The following TUSC3 variants were observed in gnomAD, a reference collection of about 807,000 sequenced individuals.
TUSC3 encodes dolichyl-diphosphooligosaccharide--protein glycosyltransferase subunit TUSC3.
In TUSC3, 45 loss-of-function variants were observed where a neutral mutation model predicts 44.8. That is an observed-to-expected ratio of 1.00 (90% CI 0.79 to 1.29). The LOEUF (loss-of-function observed/expected upper bound fraction) is 1.29. TUSC3 is among the 50% of genes most tolerant of loss of function. TUSC3 has a pLI of 0.00. For synonymous variants in TUSC3, 212 were observed against 152.9 expected (o/e 1.39, Z -2.85); for missense variants, 519 against 437.9 (o/e 1.19, Z -1.65).
At chr8:15,439,173 G>A (rs765517788) in intron 1 of TUSC3, among the ~76,000 whole-genome samples, 35 of 152,184 alleles carry the variant, frequency 2.3e-4, no homozygotes, top group Non-Finnish European at 4.4e-4. Context: ...TATCACAATT[G>A]CTTTCACAAA....
In TUSC3 at chr8:15,555,618, C is replaced by T. The variant is rs180925100; in HGVS notation, c.138+15050C>T. 3.2e-4 allele frequency among the ~76,000 whole-genome samples: 48 copies of T among 150,214 alleles called. 1 individual carries two copies. The highest frequency in any genetic ancestry group is 1.0e-3 in the African/African-American group (43 of 40,980). On this transcript the variant is annotated intron_variant, in intron 1 of 10. Coordinates refer to ENST00000503731, the MANE Select transcript of TUSC3 (RefSeq NM_006765.4). ...AAATTGTTAGGCAGTTAATGGTAAC[C>T]TTCATTTCTCTCATATTTTACTTCG...
chr8:15,743,873 A>G (rs906691717), intron 8 of TUSC3, among the ~76,000 whole-genome samples: 6 of 152,120 alleles, frequency 3.9e-5, no homozygotes, highest in Admixed American at 1.3e-4. Flanking sequence ...GCTCTAATCC[A>G]TCCCTGCTGA....
At chr8:15,821,399 T>C in the TUSC3 span, among the ~76,000 whole-genome samples, 20,640 of 148,878 alleles carry the variant, frequency 0.14, 1,637 homozygotes, top group East Asian at 0.25. Flanking sequence ...GTCCTGTTTG[T>C]GGTTTGCTGA....
intron 1 of TUSC3, among the ~76,000 whole-genome samples, chr8:15,613,064 G>GATAT (rs34594440): frequency 0.019 from 2,773 of 144,456 alleles, 48 homozygotes; most frequent in African/African-American, 0.042. Flanking sequence ...TTATATATAT[G>GATAT]ATATATATAT....
chr8:15,792,311 A>G, the TUSC3 span, among the ~76,000 whole-genome samples: 1 of 152,224 alleles, frequency 6.6e-6, no homozygotes, highest in African/African-American at 2.4e-5. Flanking sequence ...AGTCAACAAG[A>G]AACATGCATA....
At chr8:15,662,061 A>G in intron 4 of TUSC3, 95 bp from the exon 5 acceptor site, 8 of 1,394,986 alleles carry the variant, frequency 5.7e-6, no homozygotes, top group Admixed American at 1.9e-5. Context: ...CATGTTTCTG[A>G]GTTCTTTGCG....
chr8:15,491,268 T>C (rs1183756240), intron 2 of TUSC3, among the ~76,000 whole-genome samples: 1 of 152,182 alleles, frequency 6.6e-6, no homozygotes, highest in Non-Finnish European at 1.5e-5. Context: ...CCTGTGAAAT[T>C]TGATAGAACT....
chr8:15,554,623 G>C (rs540325902), intron 1 of TUSC3, among the ~76,000 whole-genome samples: 2 of 91,962 alleles, frequency 2.2e-5, no homozygotes, highest in South Asian at 3.7e-4. Flanking sequence ...TTTTTTTTGA[G>C]ATGGAGTCTC....
chr8:15,842,082 G>A, the TUSC3 span, among the ~76,000 whole-genome samples: 1 of 152,062 alleles, frequency 6.6e-6, no homozygotes, highest in Non-Finnish European at 1.5e-5. Context: ...TTATTCCTCA[G>A]AATAATAAAA....
chr8:15,753,418 T>A (rs1225272094), intron 9 of TUSC3, among the ~76,000 whole-genome samples: 1 of 152,100 alleles, frequency 6.6e-6, no homozygotes, highest in Non-Finnish European at 1.5e-5. Flanking sequence ...ACGTGAATTA[T>A]TTTGCTCTCT....
In TUSC3 at chr8:15,650,766, C is replaced by G. The variant is rs571341625; in HGVS notation, c.378C>G (p.Leu126=). 5 of 1,614,072 alleles carry G rather than the reference C, an allele frequency of 3.1e-6. No individual in the cohort carries two copies. Among genetic ancestry groups the G allele is most frequent in the African/African-American group, 1.3e-5 (1 of 75,016 alleles). ...WRYSSAFCNK[L]FFSMVDYDEG... is the part of the protein sequence containing the mutation. Reference sequence around the variant, plus strand: ...ATTCATCTGCTTTTTGTAACAAGCTCTTCTTCAGTATGGTGGACTATGATG... The same window carrying G: ...ATTCATCTGCTTTTTGTAACAAGCTGTTCTTCAGTATGGTGGACTATGATG... The change falls in exon 3 of 11, where the codon CTC becomes CTG. Residue 126 remains leucine, a synonymous_variant. Transcript: ENST00000503731.
chr8:15,764,626 AACTT>A lies in TUSC3; in HGVS notation c.*475_*478del, dbSNP rs1224906182. 3.8e-5 allele frequency: 7 copies of A among 184,108 alleles called. No homozygotes were observed. Among genetic ancestry groups the A allele is most frequent in the East Asian group, 2.8e-4 (2 of 7,208 alleles). The allele number at this position is 184,108 out of a possible 1,614,324, so 11.4% of individuals were successfully genotyped here. A position where few individuals can be genotyped will look rare whatever the true frequency, so the allele number is the denominator to read the frequency against. On this transcript the variant is annotated 3_prime_UTR_variant, in exon 11 of 11. Transcript: ENST00000503731. ...AAAATATGTCATGTACTGAAAATTA[AACTT>A]ACTTCAGTTTCAGTTATAAAGGACG...
At chr8:15,796,482 G>A in the TUSC3 span, among the ~76,000 whole-genome samples, 1 of 152,186 alleles carries the variant, frequency 6.6e-6, no homozygotes, top group Non-Finnish European at 1.5e-5. Flanking sequence ...AGATCAGTGA[G>A]AATGGCCTTG....
the TUSC3 span, among the ~76,000 whole-genome samples, chr8:15,842,475 T>C: frequency 1.3e-5 from 2 of 152,210 alleles, no homozygotes; most frequent in African/African-American, 2.4e-5. Flanking sequence ...ATCCTGACAG[T>C]TAACAAAGGT....
intron 9 of TUSC3, among the ~76,000 whole-genome samples, chr8:15,750,165 G>A (rs772102811): frequency 6.6e-6 from 1 of 151,612 alleles, no homozygotes; most frequent in Non-Finnish European, 1.5e-5. Context: ...ATTTTTAGTA[G>A]ACGCAGAGTT....
intron 1 of TUSC3, among the ~76,000 whole-genome samples, chr8:15,608,593 G>A (rs914582550): frequency 6.6e-6 from 1 of 152,108 alleles, no homozygotes; most frequent in Non-Finnish European, 1.5e-5. Context: ...GGAACCTGAT[G>A]GGAGGTGATT....
intron 5 of TUSC3, among the ~76,000 whole-genome samples, chr8:15,666,617 A>G (rs1807672925): frequency 6.6e-6 from 1 of 151,442 alleles, no homozygotes; most frequent in Non-Finnish European, 1.5e-5. Flanking sequence ...GGGGGTAGAA[A>G]AGGGTCTTTT....
the TUSC3 span, among the ~76,000 whole-genome samples, chr8:15,838,250 C>A: frequency 6.6e-6 from 1 of 152,164 alleles, no homozygotes; most frequent in African/African-American, 2.4e-5. Flanking sequence ...GAGACTTATA[C>A]TTTGCATTTA....
At chr8:15,661,723 A>G (rs1560217) in intron 4 of TUSC3, among the ~76,000 whole-genome samples, 32,675 of 151,846 alleles carry the variant, frequency 0.22, 4,202 homozygotes, top group Non-Finnish European at 0.3. Context: ...TTTAAAGGAT[A>G]CCGTCAAAAA....
Sources: gnomAD v4.1 joint callset for allele counts (sites outside exome capture counted in the v4.1 genomes callset) on GRCh38, gnomAD v4.1.1 for gene constraint, MANE v1.5 for transcripts, NCBI Gene and HGNC (gene_info 2026-07-23, HGNC 2026-07-21) for gene names.